GAN: variants seen among roughly 807,000 people sequenced by gnomAD.
GAN encodes the protein epididymis secretory sperm binding protein.
In GAN, 48 loss-of-function variants were observed where a neutral mutation model predicts 71.3. That is an observed-to-expected ratio of 0.67 (90% CI 0.53 to 0.86). The LOEUF (loss-of-function observed/expected upper bound fraction) is 0.86, where lower values mean the gene tolerates loss of function less well. Among genes scored for constraint, GAN ranks in the 40% least tolerant of loss-of-function variants. GAN has a pLI of 0.00. For missense variants in GAN, 928 were observed against 770.1 expected, an observed-to-expected ratio of 1.21 and a Z score of -2.43; for synonymous variants, 386 against 276.8, an observed-to-expected ratio of 1.39 and a Z score of -3.92.
intron 2 of GAN, among the ~76,000 whole-genome samples, chr16:81,353,964 G>C (rs928727984): frequency 1.2e-4 from 19 of 152,170 alleles, no homozygotes; most frequent in African/African-American, 4.1e-4. Context: ...AGGTTGGCAT[G>C]CCATTTAGCG....
intron 1 of GAN, among the ~76,000 whole-genome samples, chr16:81,337,501 C>G (rs1407790370): frequency 1.3e-5 from 2 of 152,154 alleles, no homozygotes; most frequent in African/African-American, 2.4e-5. Context: ...TAAAATGATT[C>G]TTGGAAGACG....
chr16:81,333,088 C>G lies in GAN; in HGVS notation c.167+17808C>G, dbSNP rs530402577. ...CCCCATCTCTACCAAAAATACAAAA[C>G]AAAAATTAGCCAGGTAGGTGGCACG... On this transcript the variant is annotated intron_variant, in intron 1 of 10. Coordinates refer to ENST00000648994, the MANE Select transcript of GAN (RefSeq NM_022041.4). Among the ~76,000 whole-genome samples the G allele has an allele frequency of 9.9e-5, 15 of 151,974 alleles. No individual in the cohort carries two copies. In the South Asian group the frequency reaches 2.7e-3, roughly 27 times the overall value.
intron 2 of GAN, among the ~76,000 whole-genome samples, chr16:81,353,291 C>A (rs376906957): frequency 5.6e-3 from 737 of 132,380 alleles, no homozygotes; most frequent in East Asian, 5.3e-3. Context: ...GACTCCGTCT[C>A]AAAAAAAAAA....
chr16:81,339,406 A>G (rs1033420004), intron 1 of GAN, among the ~76,000 whole-genome samples: 1 of 152,218 alleles, frequency 6.6e-6, no homozygotes, highest in African/African-American at 2.4e-5. Context: ...AGAAAAAATC[A>G]TATGTGAGAG....
intron 1 of GAN, among the ~76,000 whole-genome samples, chr16:81,339,474 T>C (rs1406163474): frequency 6.6e-6 from 1 of 152,234 alleles, no homozygotes; most frequent in Non-Finnish European, 1.5e-5. Context: ...AAGTTTATTG[T>C]ACATGTAATC....
At chr16:81,361,299 C>G (rs576594191) in intron 5 of GAN, among the ~76,000 whole-genome samples, 20 of 152,310 alleles carry the variant, frequency 1.3e-4, no homozygotes, top group Non-Finnish European at 8.8e-5. Flanking sequence ...ATGTTAGAAT[C>G]TAAGGCTTAG....
Position 81,384,210 on chromosome 16 carries a change from A to T in GAN, c.*6614A>T, listed in dbSNP as rs1218508876. Reference sequence around the variant, plus strand: ...CCCTGCCAATTGAGAAGAATTCAACACATTCTGTTCTTTAACAAAAGCTTG... The same window carrying T: ...CCCTGCCAATTGAGAAGAATTCAACTCATTCTGTTCTTTAACAAAAGCTTG... On this transcript the variant is annotated 3_prime_UTR_variant, in exon 11 of 11. Transcript: ENST00000648994. 6.6e-6 allele frequency: 1 copy of T among 151,934 alleles called. No individual in the cohort carries two copies. Among genetic ancestry groups the T allele is most frequent in the Non-Finnish European group, 1.5e-5 (1 of 67,980 alleles). 9.4% of individuals were successfully genotyped at this position (151,934 alleles called of 1,614,324 possible).
At chr16:81,375,430 T>G (rs1904277264) in intron 9 of GAN, among the ~76,000 whole-genome samples, 1 of 151,010 alleles carries the variant, frequency 6.6e-6, no homozygotes, top group Admixed American at 6.6e-5. Flanking sequence ...TTGACCTCCT[T>G]GACTCAAGCA....
intron 1 of GAN, among the ~76,000 whole-genome samples, chr16:81,345,908 C>T (rs1429451405): frequency 6.6e-6 from 1 of 152,306 alleles, no homozygotes. Flanking sequence ...ATTAGATTCT[C>T]ACAAGGAATG....
chr16:81,348,319 T>G (rs1444358646), intron 1 of GAN, among the ~76,000 whole-genome samples: 3 of 152,262 alleles, frequency 2.0e-5, no homozygotes, highest in African/African-American at 7.2e-5. Flanking sequence ...ATCCTGTCTT[T>G]TCCCTCTGGG....
intron 9 of GAN, 112 bp from the exon 10 acceptor site, chr16:81,377,107 G>T: frequency 1.3e-6 from 1 of 790,624 alleles, no homozygotes; most frequent in Non-Finnish European, 2.3e-6. Context: ...GGTCGAGATT[G>T]GCACAGTGCC....
intron 1 of GAN, 70 bp from the exon 2 acceptor site, chr16:81,351,513 T>C (rs1414369802): frequency 9.1e-6 from 7 of 766,574 alleles, no homozygotes; most frequent in South Asian, 5.6e-5. Flanking sequence ...TTATAGAGTT[T>C]TGAGTACATA....
chr16:81,330,274 T>C (rs1217336141), intron 1 of GAN, among the ~76,000 whole-genome samples: 1 of 122,478 alleles, frequency 8.2e-6, no homozygotes, highest in Non-Finnish European at 2.0e-5. Context: ...AAAACTCTAA[T>C]ATCTCCAGAG....
intron 2 of GAN, among the ~76,000 whole-genome samples, chr16:81,354,169 G>A (rs150539158): frequency 1.3e-5 from 2 of 152,036 alleles, no homozygotes; most frequent in East Asian, 3.9e-4. Context: ...GTTGACATTG[G>A]TACAGCAAGG....
intron 3 of GAN, 24 bp from the exon 4 acceptor site, chr16:81,356,761 C>T (rs374643738): frequency 5.3e-6 from 8 of 1,502,180 alleles, no homozygotes; most frequent in African/African-American, 1.4e-5. Flanking sequence ...TGTTTTCGCC[C>T]CATCTTTCTT....
At chr16:81,358,069 C>T (rs1447106081) in intron 5 of GAN, 138 bp downstream of exon 5, 2 of 783,260 alleles carry the variant, frequency 2.6e-6, no homozygotes, top group East Asian at 2.8e-5. Context: ...GTTCTAGCTT[C>T]TGAGACCGTG....
At chr16:81,373,683 T>C (rs1904274469) in intron 9 of GAN, among the ~76,000 whole-genome samples, 1 of 152,204 alleles carries the variant, frequency 6.6e-6, no homozygotes, top group Non-Finnish European at 1.5e-5. Context: ...CCAGATCCAA[T>C]CCAGGATTCT....
At chr16:81,374,693 T>C (rs985824119) in intron 9 of GAN, among the ~76,000 whole-genome samples, 3 of 152,230 alleles carry the variant, frequency 2.0e-5, no homozygotes, top group African/African-American at 7.2e-5. Context: ...TCCGTGTCCT[T>C]TGACACACCC....
intron 1 of GAN, among the ~76,000 whole-genome samples, chr16:81,320,730 G>T (rs1277222288): frequency 6.6e-6 from 1 of 152,106 alleles, no homozygotes. Context: ...AAATAAAATT[G>T]ACATTACCTG....
Sources: gnomAD v4.1 joint callset for allele counts (sites outside exome capture counted in the v4.1 genomes callset) on GRCh38, gnomAD v4.1.1 for gene constraint, MANE v1.5 for transcripts, NCBI Gene and HGNC (gene_info 2026-07-23, HGNC 2026-07-21) for gene names.